CADM1: variants seen among roughly 807,000 people sequenced by gnomAD.
CADM1 encodes the protein cell adhesion molecule 1, also known as TSLC-1.
In CADM1, 15 loss-of-function variants were observed where a neutral mutation model predicts 53.1. The ratio of observed to expected loss-of-function variants is 0.28; its 90% CI spans 0.19 to 0.44. The LOEUF (loss-of-function observed/expected upper bound fraction) is 0.44, where lower values mean the gene tolerates loss of function less well. CADM1 is among the 20% of genes least tolerant of loss of function. The pLI is 1.00. For synonymous variants in CADM1, 281 were observed against 243.0 expected (o/e 1.16, Z -1.45); for missense variants, 434 against 611.3 (o/e 0.71, Z 3.06).
intron 1 of CADM1, among the ~76,000 whole-genome samples, chr11:115,241,963 G>A (rs1942246605): frequency 6.7e-6 from 1 of 149,904 alleles, no homozygotes; most frequent in Admixed American, 6.6e-5. Context: ...TTCTGTTGAA[G>A]GATCCTTTTT....
intron 1 of CADM1, among the ~76,000 whole-genome samples, chr11:115,432,354 T>C (rs1447951906): frequency 1.3e-5 from 2 of 152,180 alleles, no homozygotes; most frequent in African/African-American, 4.8e-5. Flanking sequence ...CCCTCCCCAA[T>C]GCCCAGCATC....
chr11:115,488,532 A>G (rs909375005), intron 1 of CADM1, among the ~76,000 whole-genome samples: 1 of 152,200 alleles, frequency 6.6e-6, no homozygotes, highest in Admixed American at 6.5e-5. Flanking sequence ...TATTACAGCA[A>G]TAAACTCTGG....
chr11:115,437,297 AG>A (rs1170694019), intron 1 of CADM1, among the ~76,000 whole-genome samples: 2 of 152,190 alleles, frequency 1.3e-5, no homozygotes, highest in Non-Finnish European at 2.9e-5. Flanking sequence ...TGAAAAGGAA[AG>A]GCTTTTTCTT....
intron 1 of CADM1, among the ~76,000 whole-genome samples, chr11:115,351,035 C>T (rs1339262063): frequency 1.3e-5 from 2 of 151,694 alleles, no homozygotes; most frequent in African/African-American, 4.8e-5. Context: ...GGTTAATATC[C>T]CCCAAATAAA....
Position 115,340,626 on chromosome 11 carries a change from T to TTACATA in CADM1, c.125-100207_125-100206insTATGTA, listed in dbSNP as rs1363818648. On this transcript the variant is annotated intron_variant, in intron 1 of 11. Coordinates refer to ENST00000331581, the MANE Select transcript of CADM1 (RefSeq NM_001301043.2). ...GTGGAGTCACACAACATAATAAATA[T>TTACATA]TATATATATATATATATATATATAT... Among the ~76,000 whole-genome samples, 4 of 48,246 alleles carry TTACATA rather than the reference T, an allele frequency of 8.3e-5. No homozygotes were observed. The Admixed American group carries it at 1.1e-3, about 14-fold the overall frequency. The allele number at this position is 48,246 out of a possible 152,430, so 31.7% of individuals were successfully genotyped here. A position where few individuals can be genotyped will look rare whatever the true frequency, so the allele number is the denominator to read the frequency against.
At chr11:115,406,533 ATAAT>A (rs1449645685) in intron 1 of CADM1, among the ~76,000 whole-genome samples, 9 of 148,150 alleles carry the variant, frequency 6.1e-5, no homozygotes, top group Non-Finnish European at 8.9e-5. Flanking sequence ...TTTATACATT[ATAAT>A]TATATAATGT....
chr11:115,369,345 C>A (rs1946256285), intron 1 of CADM1, among the ~76,000 whole-genome samples: 2 of 152,130 alleles, frequency 1.3e-5, no homozygotes, highest in Admixed American at 6.5e-5. Context: ...TTTTTAAACT[C>A]TCCTAGGATT....
chr11:115,289,910 T>C (rs1943843043), intron 1 of CADM1, among the ~76,000 whole-genome samples: 1 of 152,198 alleles, frequency 6.6e-6, no homozygotes, highest in Admixed American at 6.5e-5. Context: ...TTTTTAATTG[T>C]ATTGAATTTT....
intron 1 of CADM1, among the ~76,000 whole-genome samples, chr11:115,415,817 T>G (rs1947580926): frequency 9.6e-6 from 1 of 103,888 alleles, no homozygotes; most frequent in Non-Finnish European, 1.8e-5. Flanking sequence ...AGAGTGAGAC[T>G]GTCTCCAAAA....
At chr11:115,218,382 T>C (rs1297469960) in intron 5 of CADM1, among the ~76,000 whole-genome samples, 1 of 152,210 alleles carries the variant, frequency 6.6e-6, no homozygotes, top group Non-Finnish European at 1.5e-5. Flanking sequence ...TATATTACTA[T>C]GTGACAATAT....
intron 10 of CADM1, among the ~76,000 whole-genome samples, chr11:115,186,315 G>A (rs1374973268): frequency 6.6e-6 from 1 of 152,152 alleles, no homozygotes; most frequent in Non-Finnish European, 1.5e-5. Flanking sequence ...GCAGAGTTTA[G>A]GTCTTCTTTG....
At chr11:115,271,902 T>A (rs1943309832) in intron 1 of CADM1, among the ~76,000 whole-genome samples, 1 of 152,214 alleles carries the variant, frequency 6.6e-6, no homozygotes, top group African/African-American at 2.4e-5. Flanking sequence ...TCAATAGATT[T>A]TGTATGTATT....
At chr11:115,397,884 T>C (rs1045843381) in intron 1 of CADM1, among the ~76,000 whole-genome samples, 3 of 152,150 alleles carry the variant, frequency 2.0e-5, no homozygotes, top group African/African-American at 7.2e-5. Context: ...TACATCCAAA[T>C]ATTGAAGAAA....
chr11:115,334,752 T>C (rs529075921), intron 1 of CADM1, among the ~76,000 whole-genome samples: 1 of 152,218 alleles, frequency 6.6e-6, no homozygotes, highest in South Asian at 2.1e-4. Context: ...ATCAGTGTTT[T>C]GAACAGTAAA....
chr11:115,237,883 T>G (rs946398089), intron 3 of CADM1, among the ~76,000 whole-genome samples: 8 of 152,206 alleles, frequency 5.3e-5, no homozygotes, highest in Admixed American at 2.6e-4. Context: ...ACTGGAGGTG[T>G]ACCTAGCAGC....
At chr11:115,502,127 T>C (rs1052474456) in intron 1 of CADM1, among the ~76,000 whole-genome samples, 4 of 152,050 alleles carry the variant, frequency 2.6e-5, no homozygotes, top group Non-Finnish European at 5.9e-5. Context: ...AGTCAGCATA[T>C]ATCCCTCGCA....
intron 1 of CADM1, among the ~76,000 whole-genome samples, chr11:115,366,164 C>T (rs1029813885): frequency 7.2e-5 from 11 of 152,182 alleles, no homozygotes; most frequent in African/African-American, 2.7e-4. Context: ...TCTGCTCTGA[C>T]CATATAATGC....
chr11:115,216,328 T>C (rs1941180469), intron 6 of CADM1, among the ~76,000 whole-genome samples: 1 of 152,326 alleles, frequency 6.6e-6, no homozygotes, highest in South Asian at 2.1e-4. Flanking sequence ...TGTAATTTAC[T>C]GTCCCCGTGG....
At chr11:115,496,678 G>A (rs1424995090) in intron 1 of CADM1, among the ~76,000 whole-genome samples, 2 of 152,122 alleles carry the variant, frequency 1.3e-5, no homozygotes, top group African/African-American at 4.8e-5. Flanking sequence ...CTAGAGTAGG[G>A]GGAACTGGCT....
Sources: gnomAD v4.1 joint callset for allele counts (sites outside exome capture counted in the v4.1 genomes callset) on GRCh38, gnomAD v4.1.1 for gene constraint, MANE v1.5 for transcripts, NCBI Gene and HGNC (gene_info 2026-07-23, HGNC 2026-07-21) for gene names.